RBFOX1: variants seen among roughly 807,000 people sequenced by gnomAD.
RBFOX1 encodes RNA binding fox-1 homolog 1, also known as RNA binding protein fox-1 homolog 1.
In RBFOX1, 8 loss-of-function variants were observed where a neutral mutation model predicts 57.7. That is an observed-to-expected ratio of 0.14 (90% confidence interval 0.08 to 0.25). The LOEUF is 0.25. Among genes scored for constraint, RBFOX1 ranks in the 10% least tolerant of loss-of-function variants. The probability of loss-of-function intolerance (pLI) is 1.00; values close to 1 mark genes in which losing one functional copy is unlikely to be tolerated. For missense variants in RBFOX1, 611 were observed against 548.5 expected (o/e 1.11, Z -1.14); for synonymous variants, 326 against 222.4 (o/e 1.47, Z -4.15).
chr16:6,896,213 T>G, intron 3 of RBFOX1, among the ~76,000 whole-genome samples: 1 of 152,276 alleles, frequency 6.6e-6, no homozygotes, highest in South Asian at 2.1e-4. Context: ...GCGAAGGTTG[T>G]AGTGAGCAGA....
intron 2 of RBFOX1, among the ~76,000 whole-genome samples, chr16:6,504,174 T>C (rs1359078038): frequency 6.6e-6 from 1 of 152,176 alleles, no homozygotes; most frequent in Non-Finnish European, 1.5e-5. Flanking sequence ...TAAAGCACCA[T>C]GTATCTTCAG....
intron 3 of RBFOX1, among the ~76,000 whole-genome samples, chr16:7,018,623 T>G (rs1280706956): frequency 1.3e-5 from 2 of 152,106 alleles, no homozygotes; most frequent in Non-Finnish European, 2.9e-5. Flanking sequence ...AAATGTTATT[T>G]CTAGTTCTAG....
At position 6,019,262 on chromosome 16, in the gene RBFOX1, C is replaced by T; in HGVS notation, c.-857C>T. On this transcript the variant is annotated 5_prime_UTR_variant, in exon 1 of 16. Coordinates refer to ENST00000550418, the MANE Select transcript of RBFOX1 (RefSeq NM_018723.4). The surrounding 1 kb of genome is among the most constrained non-coding windows in gnomAD (Gnocchi z 4.2). ...ACACCGCTCCCTCGATCACCCCAGCCCCCTTCCTGGTCTCCCGAGCGCGGG... is the reference window on the plus strand; with the variant it reads ...ACACCGCTCCCTCGATCACCCCAGCTCCCTTCCTGGTCTCCCGAGCGCGGG... 1.0e-6 allele frequency: 1 copy of T among 985,412 alleles called. No homozygotes were observed. Among genetic ancestry groups the T allele is most frequent in the Non-Finnish European group, 1.2e-6 (1 of 830,076 alleles). 61.0% of individuals were successfully genotyped at this position (985,412 alleles called of 1,614,324 possible).
intron 1 of RBFOX1, among the ~76,000 whole-genome samples, chr16:6,075,769 C>T (rs374828411): frequency 5.3e-5 from 8 of 152,170 alleles, no homozygotes; most frequent in South Asian, 2.1e-4. Context: ...AACTTCTAAT[C>T]GGTCTCCATG....
intron 3 of RBFOX1, among the ~76,000 whole-genome samples, chr16:6,662,901 T>G (rs1482753018): frequency 6.6e-6 from 1 of 152,216 alleles, no homozygotes; most frequent in Admixed American, 6.5e-5. Flanking sequence ...GTAAAACATT[T>G]ATTGAGAACA....
intron 14 of RBFOX1, among the ~76,000 whole-genome samples, chr16:7,700,843 G>A (rs984934892): frequency 6.6e-6 from 1 of 152,134 alleles, no homozygotes; most frequent in Admixed American, 6.5e-5. Context: ...AATAGGAAGA[G>A]GTTTTGAATG....
At chr16:5,529,418 A>T in intron 2 of RBFOX1, among the ~76,000 whole-genome samples, 1 of 143,528 alleles carries the variant, frequency 7.0e-6, no homozygotes. Context: ...TTAATTTGAG[A>T]CAGGGTCTCC....
intron 1 of RBFOX1, among the ~76,000 whole-genome samples, chr16:5,286,989 C>G (rs1253833905): frequency 1.3e-5 from 2 of 152,150 alleles, no homozygotes; most frequent in Non-Finnish European, 2.9e-5. Context: ...AACCCGCTGT[C>G]AGAATAAAAT....
intron 14 of RBFOX1, among the ~76,000 whole-genome samples, chr16:7,687,721 C>G (rs1003193088): frequency 6.6e-6 from 1 of 151,944 alleles, no homozygotes; most frequent in Non-Finnish European, 1.5e-5. Context: ...CTAATTATAA[C>G]TACTGTAATT....
intron 7 of RBFOX1, among the ~76,000 whole-genome samples, chr16:7,588,831 TTAAC>T (rs1408536620): frequency 6.6e-6 from 1 of 152,098 alleles, no homozygotes; most frequent in Admixed American, 6.5e-5. Flanking sequence ...TTAGTACTAA[TTAAC>T]TAGGATGATG....
intron 4 of RBFOX1, among the ~76,000 whole-genome samples, chr16:7,189,120 T>A (rs532783383): frequency 2.0e-5 from 3 of 150,472 alleles, no homozygotes; most frequent in Non-Finnish European, 3.0e-5. Flanking sequence ...TAATAAGGAG[T>A]GATTTCTAGA....
intron 1 of RBFOX1, among the ~76,000 whole-genome samples, chr16:6,035,652 C>A (rs2095356208): frequency 6.6e-6 from 1 of 152,204 alleles, no homozygotes; most frequent in Non-Finnish European, 1.5e-5. Flanking sequence ...CAGCTCCCTG[C>A]ACGTGGCAGA....
intron 2 of RBFOX1, among the ~76,000 whole-genome samples, chr16:6,423,596 C>T (rs1196584209): frequency 2.0e-5 from 3 of 152,028 alleles, no homozygotes; most frequent in Non-Finnish European, 4.4e-5. Context: ...GACTGAGACT[C>T]TGTCTCAAAA....
At chr16:5,434,317 CTTTT>C (rs5815245) in intron 1 of RBFOX1, among the ~76,000 whole-genome samples, 7 of 79,734 alleles carry the variant, frequency 8.8e-5, no homozygotes, top group African/African-American at 2.0e-4. Context: ...TGCTGAAGTC[CTTTT>C]TTTTTTTTTT....
downstream of RBFOX1, among the ~76,000 whole-genome samples, chr16:5,603,878 C>A (rs551951338): frequency 1.3e-5 from 2 of 152,172 alleles, no homozygotes; most frequent in African/African-American, 4.8e-5. Context: ...TGCTGTCCAG[C>A]GTAAGAACCG....
At chr16:7,050,559 C>T (rs536850926) in intron 3 of RBFOX1, among the ~76,000 whole-genome samples, 1 of 152,228 alleles carries the variant, frequency 6.6e-6, no homozygotes, top group East Asian at 1.9e-4. Context: ...AGCAACCGTG[C>T]CTGGCCTTCC....
At chr16:7,215,245 T>C (rs1047127175) in intron 4 of RBFOX1, among the ~76,000 whole-genome samples, 1 of 152,206 alleles carries the variant, frequency 6.6e-6, no homozygotes, top group African/African-American at 2.4e-5. Context: ...TCAACCACTG[T>C]GGAAGAAAGT....
At chr16:7,424,498 G>T (rs1311732265) in intron 4 of RBFOX1, among the ~76,000 whole-genome samples, 1 of 152,142 alleles carries the variant, frequency 6.6e-6, no homozygotes, top group Non-Finnish European at 1.5e-5. Flanking sequence ...GGCCTCATGT[G>T]ATCCACCCAC....
chr16:5,288,036 G>A (rs1471592470), intron 1 of RBFOX1, among the ~76,000 whole-genome samples: 1 of 152,164 alleles, frequency 6.6e-6, no homozygotes. Flanking sequence ...CCATAGCAGG[G>A]ACTCGATGTC....
Sources: gnomAD v4.1 joint callset for allele counts (sites outside exome capture counted in the v4.1 genomes callset) on GRCh38, gnomAD v4.1.1 for gene constraint, Gnocchi (gnomAD v3.1) non-coding constraint, MANE v1.5 for transcripts, NCBI Gene and HGNC (gene_info 2026-07-23, HGNC 2026-07-21) for gene names.